CUBN: variants seen among roughly 807,000 people sequenced by gnomAD.
CUBN encodes the protein 460 kDa receptor.
In CUBN, 282 loss-of-function variants were observed where a neutral mutation model predicts 405.3. The ratio of observed to expected loss-of-function variants is 0.70; its 90% CI spans 0.63 to 0.77. The LOEUF is 0.77. CUBN is among the 30% of genes least tolerant of loss of function. The pLI is 0.00. For missense variants in CUBN, 4,514 were observed against 4,475.2 expected, an observed-to-expected ratio of 1.01 and a Z score of -0.25; for synonymous variants, 1,684 against 1,617.0, an observed-to-expected ratio of 1.04 and a Z score of -0.99.
chr10:17,103,991 G>C (rs1366712774), intron 12 of CUBN, among the ~76,000 whole-genome samples: 1 of 152,152 alleles, frequency 6.6e-6, no homozygotes, highest in Non-Finnish European at 1.5e-5. Context: ...GGTTATAGAA[G>C]ATCATTGAAA....
Position 17,007,749 on chromosome 10 carries a change from G to T in CUBN, c.4168+12084C>A, listed in dbSNP as rs533440674. Among the ~76,000 whole-genome samples, 11 of 152,290 alleles carry T rather than the reference G, an allele frequency of 7.2e-5. No homozygotes were observed. The South Asian group carries it at 1.2e-3, about 17-fold the overall frequency. ...CAACTCCAGGACCAGCGTTAGCGGG[G>T]CTGTCCTGAGCCCTCCACCTGATTC... On this transcript the variant is annotated intron_variant, in intron 28 of 66. Transcript: ENST00000377833.
chr10:16,831,376 C>G lies in CUBN; in HGVS notation c.10404G>C (p.Lys3468Asn), dbSNP rs779809669. Residue 3468 changes from lysine to asparagine, a missense_variant, in exon 65 of 67, where the codon AAG (lysine) becomes AAC (asparagine). By Grantham distance (94) the Lys-to-Asn change is moderately conservative. Around this residue, in one of 5 missense-constraint regions of CUBN, gnomAD observed 1,186 missense variants for 1,186.9 expected, o/e 1.00. Coordinates refer to ENST00000377833, the MANE Select transcript of CUBN (RefSeq NM_001081.4). ...GSNSNSPLLG[K>N]YCGTLLPNPV... ...GGTTTGGCAGCAGAGTTCCACAGTACTTGCCCAGTAATGGTGAATTGCTGT... is the reference window on the plus strand; with the variant it reads ...GGTTTGGCAGCAGAGTTCCACAGTAGTTGCCCAGTAATGGTGAATTGCTGT... 5.0e-6 allele frequency: 8 copies of G among 1,614,000 alleles called. No homozygotes were observed.
chr10:16,901,511 C>G (rs371687726), intron 51 of CUBN, 52 bp from the exon 52 acceptor site: 114 of 1,607,476 alleles, frequency 7.1e-5, no homozygotes, highest in Non-Finnish European at 7.8e-5. Context: ...AAAAAAGAAC[C>G]GATAATGCCA....
intron 59 of CUBN, among the ~76,000 whole-genome samples, chr10:16,853,334 G>A (rs1839774044): frequency 1.3e-5 from 2 of 152,136 alleles, no homozygotes; most frequent in Non-Finnish European, 1.5e-5. Flanking sequence ...GTTAAACTTC[G>A]CTGGGATTGG....
Position 16,890,450 on chromosome 10 carries a change from G to T in CUBN, c.8676C>A (p.Ile2892=). 1.2e-6 allele frequency: 2 copies of T among 1,614,114 alleles called. No individual in the cohort carries two copies. The highest frequency in any genetic ancestry group is 8.5e-7 in the Non-Finnish European group (1 of 1,180,000). Residue 2892 remains isoleucine, a synonymous_variant, in exon 55 of 67, where the codon ATC becomes ATA. Transcript: ENST00000377833. ...CGGCAGTGAATGTGTTACTTGGTGT[G>T]ATAACGGGACCCGGAGCCACGTTCC... ...GCGNVAPGPV[I]TPSNTFTAVF...
Position 17,029,016 on chromosome 10 carries a change from C to T in CUBN, c.4018-9033G>A, listed in dbSNP as rs1014199843. Among the ~76,000 whole-genome samples, 5 of 152,300 alleles carry T rather than the reference C, an allele frequency of 3.3e-5. No individual in the cohort carries two copies. In the South Asian group the frequency reaches 1.0e-3, roughly 32 times the overall value. ...TTCGCCAGTCTGAGGAGCAGAGCAACCTGAGGTCAACCAGGAAAGGCAGTG... is the reference window on the plus strand; with the variant it reads ...TTCGCCAGTCTGAGGAGCAGAGCAATCTGAGGTCAACCAGGAAAGGCAGTG... On this transcript the variant is annotated intron_variant, in intron 27 of 66. Coordinates refer to ENST00000377833, the MANE Select transcript of CUBN (RefSeq NM_001081.4).
chr10:17,092,526 G>T (rs1836286744), intron 14 of CUBN, among the ~76,000 whole-genome samples: 1 of 152,144 alleles, frequency 6.6e-6, no homozygotes, highest in African/African-American at 2.4e-5. Context: ...GATAAAACAG[G>T]ATGCAGTAGA....
At chr10:17,061,287 A>G (rs1052274605) in intron 22 of CUBN, among the ~76,000 whole-genome samples, 3 of 152,154 alleles carry the variant, frequency 2.0e-5, no homozygotes, top group Non-Finnish European at 4.4e-5. Flanking sequence ...CTTGACTTTC[A>G]GAGTCCTTGA....
chr10:17,033,201 C>T (rs1316687971), intron 27 of CUBN, among the ~76,000 whole-genome samples: 3 of 152,198 alleles, frequency 2.0e-5, no homozygotes, highest in Non-Finnish European at 2.9e-5. Context: ...CCCTGTCCAC[C>T]TGAGAGCCTC....
intron 59 of CUBN, among the ~76,000 whole-genome samples, chr10:16,866,424 C>G (rs148624176): frequency 6.6e-6 from 1 of 152,072 alleles, no homozygotes; most frequent in Non-Finnish European, 1.5e-5. Flanking sequence ...AGGCAGGAGA[C>G]GACCCTGCTG....
chr10:16,883,709 T>G (rs541726004), intron 56 of CUBN, among the ~76,000 whole-genome samples: 3 of 152,196 alleles, frequency 2.0e-5, no homozygotes, highest in Admixed American at 6.5e-5. Context: ...TAGGCAAATA[T>G]TAGGTGTGAA....
Position 16,918,639 on chromosome 10 carries a change from T to C in CUBN, c.6983A>G (p.Lys2328Arg). Residue 2328 changes from lysine (K) to arginine (R), a missense_variant, in exon 45 of 67, where the codon AAG becomes AGG. Around this residue, in one of 5 missense-constraint regions of CUBN, gnomAD observed 1,613 missense variants for 1,542.8 expected, o/e 1.05. Coordinates refer to ENST00000377833, the MANE Select transcript of CUBN (RefSeq NM_001081.4). The stretch of plus-strand genomic sequence containing the variant: ...ATTATTACCTATAGAATACTTGGCC[T>C]TGAATCCCACATGTGTGGGGCTGTT... ...SDNSPTHVGF[K>R]AKYSIAQCGG... 1 of 1,613,598 alleles carries C rather than the reference T, an allele frequency of 6.2e-7. No homozygotes were observed. The highest frequency in any genetic ancestry group is 2.2e-5 in the East Asian group (1 of 44,876).
At chr10:16,931,536 T>C (rs746703541) in intron 40 of CUBN, among the ~76,000 whole-genome samples, 1 of 152,242 alleles carries the variant, frequency 6.6e-6, no homozygotes, top group African/African-American at 2.4e-5. Flanking sequence ...AGCCGCCCTG[T>C]GCCTGAGCAA....
chr10:17,112,617 T>C (rs969148560), intron 8 of CUBN, among the ~76,000 whole-genome samples: 1 of 152,116 alleles, frequency 6.6e-6, no homozygotes, highest in African/African-American at 2.4e-5. Flanking sequence ...TTGCAAATTG[T>C]GCTTGCCCCT....
Position 17,084,474 on chromosome 10 carries a change from A to G in CUBN, c.2111-13T>C. ...CAACGCAGATCCGCTAAGAACAGGG[A>G]AGAGACGAACAGGTCATGGCAATGG... is the stretch of plus-strand genomic sequence containing the variant. On this transcript the variant is annotated splice_polypyrimidine_tract_variant and intron_variant, in intron 16 of 66. Coordinates refer to ENST00000377833, the MANE Select transcript of CUBN (RefSeq NM_001081.4). 1 of 1,611,320 alleles carries G rather than the reference A, an allele frequency of 6.2e-7. No homozygotes were observed. The highest frequency in any genetic ancestry group is 8.5e-7 in the Non-Finnish European group (1 of 1,179,068).
intron 49 of CUBN, among the ~76,000 whole-genome samples, chr10:16,907,165 T>G (rs1841576481): frequency 6.6e-6 from 1 of 152,092 alleles, no homozygotes; most frequent in Non-Finnish European, 1.5e-5. Context: ...TGAGACTAAG[T>G]TACCCTCTAG....
intron 16 of CUBN, 55 bp downstream of exon 16, chr10:17,085,542 A>G: frequency 6.7e-7 from 1 of 1,489,178 alleles, no homozygotes; most frequent in African/African-American, 1.4e-5. Flanking sequence ...AACAGATGTA[A>G]GCATAGCATT....
intron 56 of CUBN, among the ~76,000 whole-genome samples, chr10:16,882,731 G>C (rs568814930): frequency 6.6e-6 from 1 of 152,186 alleles, no homozygotes; most frequent in South Asian, 2.1e-4. Flanking sequence ...TGGGTTCTAG[G>C]GGCCAGGCAC....
intron 26 of CUBN, among the ~76,000 whole-genome samples, chr10:17,042,301 A>C (rs1211921013): frequency 6.6e-6 from 1 of 152,192 alleles, no homozygotes; most frequent in Non-Finnish European, 1.5e-5. Context: ...CCTATTAGGC[A>C]GATAGGCATC....
Sources: gnomAD v4.1 joint callset for allele counts (sites outside exome capture counted in the v4.1 genomes callset) on GRCh38, gnomAD v4.1.1 for gene constraint, gnomAD v4.1.1 regional missense constraint, MANE v1.5 for transcripts, NCBI Gene and HGNC (gene_info 2026-07-23, HGNC 2026-07-21) for gene names.